Variants in NRXN3 observed in about 807,000 individuals in gnomAD.
NRXN3 encodes neurexin 3.
NRXN3 carries 32 observed loss-of-function variants against 137.6 expected under a neutral mutation model. The ratio of observed to expected loss-of-function variants is 0.23; its 90% CI spans 0.18 to 0.31. NRXN3 has a LOEUF of 0.31. Among genes scored for constraint, NRXN3 ranks in the 10% least tolerant of loss-of-function variants. NRXN3 has a pLI of 1.00. For missense variants in NRXN3, 1,574 were observed against 2,062.5 expected (o/e 0.76, Z 4.59); for synonymous variants, 798 against 784.5 (o/e 1.02, Z -0.29).
intron 4 of NRXN3, among the ~76,000 whole-genome samples, chr14:78,549,595 G>C (rs1012745737): frequency 6.6e-6 from 1 of 152,174 alleles, no homozygotes; most frequent in African/African-American, 2.4e-5. Flanking sequence ...TGGTGCACAG[G>C]TGACCCCAGT....
At chr14:78,943,813 T>C (rs2099359992) in intron 10 of NRXN3, among the ~76,000 whole-genome samples, 1 of 151,354 alleles carries the variant, frequency 6.6e-6, no homozygotes, top group Admixed American at 6.6e-5. Flanking sequence ...TTTCATTTAT[T>C]TACTCAACAA....
intron 4 of NRXN3, among the ~76,000 whole-genome samples, chr14:78,619,821 A>G (rs2097382176): frequency 6.6e-6 from 1 of 152,118 alleles, no homozygotes; most frequent in Admixed American, 6.5e-5. Context: ...GTAGTTCTTT[A>G]CAGCAGTAGA....
At chr14:78,470,671 G>A (rs1423236291) in intron 4 of NRXN3, among the ~76,000 whole-genome samples, 1 of 152,044 alleles carries the variant, frequency 6.6e-6, no homozygotes, top group Non-Finnish European at 1.5e-5. Flanking sequence ...TAGATAAATA[G>A]TAAGATAGAA....
At position 78,582,872 on chromosome 14, in the gene NRXN3, G is replaced by T. The variant is rs141031750; in HGVS notation, c.758-62248G>T. Among the ~76,000 whole-genome samples the T allele has an allele frequency of 3.5e-3, 536 of 152,266 alleles. 6 individuals are homozygous for T. Among genetic ancestry groups the T allele is most frequent in the South Asian group, 0.024 (116 of 4,820 alleles). On this transcript the variant is annotated intron_variant, in intron 4 of 20. Transcript: ENST00000335750. ...AAAGAAGGTCTTTGTTATCCAAGAC[G>T]CTCTGTCCTGTTCTGCAGAGTTAAC...
chr14:79,075,474 A>G (rs1053160129), intron 15 of NRXN3, among the ~76,000 whole-genome samples: 2 of 152,210 alleles, frequency 1.3e-5, no homozygotes, highest in African/African-American at 4.8e-5. Context: ...TCAGAGATTC[A>G]GAAGAATGTG....
intron 10 of NRXN3, among the ~76,000 whole-genome samples, chr14:78,883,970 C>T (rs2152668044): frequency 6.6e-6 from 1 of 152,272 alleles, no homozygotes; most frequent in East Asian, 1.9e-4. Context: ...TAGTAATGGT[C>T]AAGTGTCATT....
intron 1 of NRXN3, among the ~76,000 whole-genome samples, chr14:78,218,857 G>A (rs1189663827): frequency 1.3e-5 from 2 of 152,210 alleles, no homozygotes; most frequent in African/African-American, 2.4e-5. Flanking sequence ...TACAGACTGG[G>A]TGGCTTAAAC....
chr14:79,794,917 C>T (rs959788319), intron 19 of NRXN3, among the ~76,000 whole-genome samples: 4 of 152,170 alleles, frequency 2.6e-5, no homozygotes, highest in Non-Finnish European at 1.5e-5. Context: ...GCTTTCATGC[C>T]GCACTGTTCC....
chr14:79,341,140 G>A (rs1243655279), intron 15 of NRXN3, among the ~76,000 whole-genome samples: 1 of 152,052 alleles, frequency 6.6e-6, no homozygotes, highest in Non-Finnish European at 1.5e-5. Flanking sequence ...TGAAATTGCT[G>A]GCTCCCATAC....
intron 6 of NRXN3, among the ~76,000 whole-genome samples, chr14:78,691,121 A>T (rs764840426): frequency 6.6e-6 from 1 of 152,216 alleles, no homozygotes; most frequent in Non-Finnish European, 1.5e-5. Context: ...ATGTTGAGGA[A>T]GGAGTGAGAG....
intron 15 of NRXN3, among the ~76,000 whole-genome samples, chr14:79,184,706 C>G (rs2063313946): frequency 6.6e-6 from 1 of 152,154 alleles, no homozygotes; most frequent in Non-Finnish European, 1.5e-5. Context: ...GGATACGTAT[C>G]AAGGGAAAAT....
At chr14:79,446,600 G>T (rs578101953) in intron 15 of NRXN3, among the ~76,000 whole-genome samples, 2 of 151,968 alleles carry the variant, frequency 1.3e-5, no homozygotes, top group African/African-American at 4.8e-5. Context: ...TTCTTATAAG[G>T]TACCTACTAA....
chr14:79,048,434 T>G (rs2099636272), intron 15 of NRXN3, among the ~76,000 whole-genome samples: 1 of 152,126 alleles, frequency 6.6e-6, no homozygotes, highest in Non-Finnish European at 1.5e-5. Context: ...AGAAAATATC[T>G]CAATAAATTG....
At chr14:79,830,508 A>G (rs573304156) in intron 20 of NRXN3, among the ~76,000 whole-genome samples, 5 of 152,184 alleles carry the variant, frequency 3.3e-5, no homozygotes, top group African/African-American at 4.8e-5. Context: ...TTCTTCCACA[A>G]GTACCCAATT....
At chr14:78,823,695 G>C (rs369288199) in intron 10 of NRXN3, among the ~76,000 whole-genome samples, 1 of 152,134 alleles carries the variant, frequency 6.6e-6, no homozygotes, top group African/African-American at 2.4e-5. Flanking sequence ...GGTGATCAGG[G>C]GTAAAGGGAA....
At chr14:79,748,019 G>A (rs2098984941) in intron 19 of NRXN3, among the ~76,000 whole-genome samples, 1 of 151,994 alleles carries the variant, frequency 6.6e-6, no homozygotes, top group South Asian at 2.1e-4. Context: ...ACATGGGGAG[G>A]GGAATAACAC....
intron 15 of NRXN3, among the ~76,000 whole-genome samples, chr14:79,105,279 C>G (rs940462496): frequency 2.0e-5 from 3 of 152,112 alleles, no homozygotes; most frequent in Non-Finnish European, 2.9e-5. Flanking sequence ...GGTATTATCT[C>G]TACAAACCAT....
At chr14:79,256,093 CCTCT>C (rs368357855) in intron 15 of NRXN3, among the ~76,000 whole-genome samples, 2 of 151,476 alleles carry the variant, frequency 1.3e-5, no homozygotes, top group Non-Finnish European at 2.9e-5. Context: ...GTCCATCCCT[CCTCT>C]CTCTCTCTGT....
chr14:79,162,965 C>T (rs1468285619), intron 15 of NRXN3, among the ~76,000 whole-genome samples: 1 of 151,876 alleles, frequency 6.6e-6, no homozygotes, highest in African/African-American at 2.4e-5. Context: ...TACATCCCTT[C>T]CACTCCCTTT....
Sources: allele counts gnomAD v4.1 joint callset (sites outside exome capture counted in the v4.1 genomes callset), GRCh38; gene constraint gnomAD v4.1.1; transcripts MANE v1.5; gene names NCBI Gene and HGNC (gene_info 2026-07-23, HGNC 2026-07-21).